GFRA2: variants seen among roughly 807,000 people sequenced by gnomAD.
GFRA2 encodes the protein GDNF family receptor alpha-2.
A neutral mutation model predicts 48.3 loss-of-function variants in GFRA2; 17 were observed. The observed-to-expected ratio is 0.35, with a 90% CI of 0.24 to 0.53. The LOEUF is 0.53. Ranked by LOEUF, GFRA2 falls within the 20% of genes least tolerant of loss-of-function variation. The pLI is 0.93. For missense variants in GFRA2, 660 were observed against 637.3 expected, an observed-to-expected ratio of 1.04 and a Z score of -0.38; for synonymous variants, 305 against 257.2, an observed-to-expected ratio of 1.19 and a Z score of -1.78.
intron 4 of GFRA2, among the ~76,000 whole-genome samples, chr8:21,734,596 T>C (rs1282943841): frequency 2.0e-5 from 3 of 152,386 alleles, no homozygotes; most frequent in Non-Finnish European, 4.4e-5. Flanking sequence ...ATCTCCCAAG[T>C]CTGGGACCCA....
chr8:21,806,880 T>A (rs1397243535), intron 1 of GFRA2, among the ~76,000 whole-genome samples: 1 of 152,226 alleles, frequency 6.6e-6, no homozygotes, highest in Non-Finnish European at 1.5e-5. Context: ...TATCCACACA[T>A]AATGATATGT....
At chr8:21,744,550 AACACACAC>A (rs71721911) in intron 4 of GFRA2, among the ~76,000 whole-genome samples, 63 of 140,220 alleles carry the variant, frequency 4.5e-4, no homozygotes, top group Middle Eastern at 7.0e-3. Flanking sequence ...AACCACCACC[AACACACAC>A]ACACACACAC....
chr8:21,777,680 CCT>C (rs1165088197), intron 2 of GFRA2, among the ~76,000 whole-genome samples: 1 of 152,204 alleles, frequency 6.6e-6, no homozygotes, highest in South Asian at 2.1e-4. Context: ...GTGGCAGCCC[CCT>C]GTGTAAAAAC....
chr8:21,758,493 T>C (rs1805702137), intron 3 of GFRA2, among the ~76,000 whole-genome samples: 4 of 152,070 alleles, frequency 2.6e-5, no homozygotes. Context: ...CTCATCCCAT[T>C]TGCAGCTGCA....
At chr8:21,767,084 ACACACACCC>A (rs767023920) in intron 3 of GFRA2, among the ~76,000 whole-genome samples, 5,720 of 149,276 alleles carry the variant, frequency 0.038, 126 homozygotes, top group African/African-American at 0.045. Flanking sequence ...ACACTATCTC[ACACACACCC>A]CACACACACC....
Position 21,788,865 on chromosome 8 carries a change from C to T in GFRA2, c.-706G>A. The T allele has an allele frequency of 1.1e-6, 1 of 891,136 alleles. No individual in the cohort carries two copies. Among genetic ancestry groups the T allele is most frequent in the Non-Finnish European group, 1.3e-6 (1 of 744,014 alleles). The allele number at this position is 891,136 out of a possible 1,614,324, so 55.2% of individuals were successfully genotyped here. On this transcript the variant is annotated 5_prime_UTR_variant, in exon 1 of 9. Transcript: ENST00000524240. ...CTCGCTCGCTCTTTGCTCTCGCTCT[C>T]TCCAGCTCTCCCTCGCTCTCCTCTC... is the stretch of plus-strand genomic sequence containing the variant.
chr8:21,714,896 C>T, intron 4 of GFRA2, among the ~76,000 whole-genome samples: 1 of 152,080 alleles, frequency 6.6e-6, no homozygotes, highest in Non-Finnish European at 1.5e-5. Context: ...CCAAGAAGTG[C>T]AAATTACTCA....
At chr8:21,776,200 C>T (rs1254314916) in intron 2 of GFRA2, among the ~76,000 whole-genome samples, 3 of 152,044 alleles carry the variant, frequency 2.0e-5, no homozygotes, top group Non-Finnish European at 4.4e-5. Flanking sequence ...GCTTTGCAAC[C>T]CCACTGCATG....
At chr8:21,759,843 C>T (rs1459282303) in intron 3 of GFRA2, among the ~76,000 whole-genome samples, 1 of 146,896 alleles carries the variant, frequency 6.8e-6, no homozygotes, top group Non-Finnish European at 1.5e-5. Context: ...GAGTCAGGAT[C>T]GCACCACTGC....
chr8:21,789,346 A>ACTGCCC (rs1807451173), upstream of GFRA2: 1 of 149,782 alleles, frequency 6.7e-6, no homozygotes, highest in Non-Finnish European at 1.5e-5. Context: ...TCCAACCCCC[A>ACTGCCC]CTGCCCCTGC....
intron 2 of GFRA2, 105 bp downstream of exon 2, chr8:21,782,480 G>C: frequency 1.2e-6 from 1 of 848,908 alleles, no homozygotes; most frequent in South Asian, 1.7e-5. Flanking sequence ...GAGCTGGCCA[G>C]TTTGCGCCAC....
chr8:21,778,314 G>A (rs1806811060), intron 2 of GFRA2, among the ~76,000 whole-genome samples: 1 of 152,158 alleles, frequency 6.6e-6, no homozygotes, highest in African/African-American at 2.4e-5. Flanking sequence ...ACACTACCTG[G>A]AGGCCTCCTG....
chr8:21,773,908 T>A lies in GFRA2; in HGVS notation c.439+1064A>T, dbSNP rs1806559963. Reference sequence around the variant, plus strand: ...CTGGCATCCAGTGGGGCCGGGGACATTGCTGAACATCCTCAGACTCACAGG... The same window carrying A: ...CTGGCATCCAGTGGGGCCGGGGACAATGCTGAACATCCTCAGACTCACAGG... On this transcript the variant is annotated intron_variant, in intron 3 of 8. Transcript: ENST00000524240. Among the ~76,000 whole-genome samples the A allele has an allele frequency of 2.0e-5, 3 of 152,128 alleles. No individual in the cohort carries two copies. In the South Asian group the frequency reaches 6.2e-4, roughly 31 times the overall value.
chr8:21,730,734 T>TGGCCTC (rs1442360418), intron 4 of GFRA2, among the ~76,000 whole-genome samples: 1 of 152,178 alleles, frequency 6.6e-6, no homozygotes, highest in African/African-American at 2.4e-5. Flanking sequence ...CCACAGAATG[T>TGGCCTC]ACAGCCCTCA....
At chr8:21,770,068 C>T (rs1202955744) in intron 3 of GFRA2, among the ~76,000 whole-genome samples, 6 of 152,220 alleles carry the variant, frequency 3.9e-5, no homozygotes, top group Admixed American at 2.0e-4. Context: ...GTCCCTGTCA[C>T]AGCATAGTAC....
chr8:21,755,983 C>G (rs1264587901), intron 3 of GFRA2, among the ~76,000 whole-genome samples: 1 of 152,186 alleles, frequency 6.6e-6, no homozygotes, highest in African/African-American at 2.4e-5. Flanking sequence ...CCAGGCCAGC[C>G]GTAGGACGCA....
chr8:21,788,289 T>TCCACCCGA lies in GFRA2; in HGVS notation c.-138_-131dup. 1 of 1,394,624 alleles carries TCCACCCGA rather than the reference T, an allele frequency of 7.2e-7. No individual in the cohort carries two copies. The highest frequency in any genetic ancestry group is 9.3e-7 in the Non-Finnish European group (1 of 1,070,422). The allele number at this position is 1,394,624 out of a possible 1,614,324, so 86.4% of individuals were successfully genotyped here. A position where few individuals can be genotyped will look rare whatever the true frequency, so the allele number is the denominator to read the frequency against. On this transcript the variant is annotated 5_prime_UTR_variant, in exon 1 of 9. Transcript: ENST00000524240. ...AATCCAATGCGGAGATCCCAGCTAG[T>TCCACCCGA]CCACCCGATGAAGATCCCGAGTCCT... is the stretch of plus-strand genomic sequence containing the variant.
rs531042279 is a variant in GFRA2 at position 21,696,252 on chromosome 8, C to G, written c.1219-1735G>C. Among the ~76,000 whole-genome samples the G allele has an allele frequency of 4.0e-5, 6 of 150,946 alleles. No individual in the cohort carries two copies. In the South Asian group the frequency reaches 1.1e-3, roughly 27 times the overall value. On this transcript the variant is annotated intron_variant, in intron 7 of 8. Coordinates refer to ENST00000524240, the MANE Select transcript of GFRA2 (RefSeq NM_001495.5). ...CCCTTTCCTCACTAAACCAGTGGAG[C>G]CCATGGGGAATCACAGAGGCAGAAG...
chr8:21,735,802 G>A (rs760607961), intron 4 of GFRA2, among the ~76,000 whole-genome samples: 1 of 151,632 alleles, frequency 6.6e-6, no homozygotes, highest in Non-Finnish European at 1.5e-5. Context: ...GAGTAGCCGG[G>A]ACTACGGGCC....
Sources: allele counts gnomAD v4.1 joint callset (sites outside exome capture counted in the v4.1 genomes callset), GRCh38; gene constraint gnomAD v4.1.1; transcripts MANE v1.5; gene names NCBI Gene and HGNC (gene_info 2026-07-23, HGNC 2026-07-21).